The following CEP112 variants were observed in gnomAD, a reference collection of about 807,000 sequenced individuals.
CEP112 encodes the protein centrosomal protein 112.
Under a neutral mutation model 153.0 loss-of-function variants are expected in CEP112, and 127 were observed. The observed-to-expected ratio is 0.83, with a 90% CI of 0.72 to 0.96. CEP112 has a LOEUF of 0.96. Among genes scored for constraint, CEP112 ranks in the 40% least tolerant of loss-of-function variants. The pLI is 0.00. For missense variants in CEP112, 1,089 were observed against 1,101.2 expected (o/e 0.99, Z 0.16); for synonymous variants, 358 against 374.4 (o/e 0.96, Z 0.51).
intron 24 of CEP112, among the ~76,000 whole-genome samples, chr17:65,681,848 G>A (rs1017654205): frequency 6.6e-6 from 1 of 150,582 alleles, no homozygotes; most frequent in African/African-American, 2.4e-5. Context: ...TAATATTTTT[G>A]CAATTTTTTT....
chr17:65,826,270 T>C, intron 21 of CEP112: 1 of 1,614,062 alleles, frequency 6.2e-7, no homozygotes, highest in Non-Finnish European at 8.5e-7. Context: ...CCTTGGCAGA[T>C]GGATGGTCTA....
At chr17:65,990,566 CTGCAGAGAGGGCACCTG>C (rs2063559137) in intron 17 of CEP112, among the ~76,000 whole-genome samples, 1 of 152,238 alleles carries the variant, frequency 6.6e-6, no homozygotes, top group Non-Finnish European at 1.5e-5. Flanking sequence ...TGACATCTGC[CTGCAGAGAGGGCACCTG>C]GACTGGCCCA....
intron 18 of CEP112, among the ~76,000 whole-genome samples, chr17:65,930,892 ACTC>A (rs2144247218): frequency 6.6e-6 from 1 of 151,434 alleles, no homozygotes; most frequent in African/African-American, 2.4e-5. Flanking sequence ...TTCAAAGTTG[ACTC>A]AGGTTTTCCT....
intron 24 of CEP112, among the ~76,000 whole-genome samples, chr17:65,681,656 T>A (rs528468100): frequency 1.3e-5 from 2 of 149,896 alleles, no homozygotes; most frequent in African/African-American, 5.0e-5. Context: ...CTATATTCTG[T>A]GAATTTTTCC....
chr17:65,644,510 G>T, intron 24 of CEP112: 1 of 326,218 alleles, frequency 3.1e-6, no homozygotes, highest in South Asian at 3.6e-5. Context: ...GGTTAATTTG[G>T]ACAAAGCACA....
intron 20 of CEP112, among the ~76,000 whole-genome samples, chr17:65,879,930 A>G (rs1242123218): frequency 6.6e-6 from 1 of 152,044 alleles, no homozygotes; most frequent in African/African-American, 2.4e-5. Context: ...AAGACAATAA[A>G]CAACAACAAA....
At chr17:66,022,658 G>A (rs1446805822) in intron 16 of CEP112, among the ~76,000 whole-genome samples, 8 of 139,648 alleles carry the variant, frequency 5.7e-5, no homozygotes, top group African/African-American at 1.3e-4. Context: ...GCAGTGAGCC[G>A]AGATCGTGCC....
At chr17:65,792,868 T>C (rs941997055) in intron 21 of CEP112, among the ~76,000 whole-genome samples, 1 of 152,172 alleles carries the variant, frequency 6.6e-6, no homozygotes, top group Non-Finnish European at 1.5e-5. Flanking sequence ...ATGGAGGAAA[T>C]TGCCTATACC....
intron 17 of CEP112, among the ~76,000 whole-genome samples, chr17:65,977,342 G>C (rs1487387180): frequency 6.6e-6 from 1 of 152,118 alleles, no homozygotes; most frequent in Admixed American, 6.6e-5. Flanking sequence ...CATTGAGTCA[G>C]TCTCGCAGTT....
chr17:65,660,425 CCTT>C (rs1357901400), intron 24 of CEP112, among the ~76,000 whole-genome samples: 9 of 113,634 alleles, frequency 7.9e-5, no homozygotes, highest in African/African-American at 2.8e-4. Context: ...CACCCTCCCT[CCTT>C]CTTTCTTTCT....
intron 17 of CEP112, among the ~76,000 whole-genome samples, chr17:65,979,624 G>T (rs894597): frequency 0.52 from 78,487 of 151,294 alleles, 21,290 homozygotes; most frequent in African/African-American, 0.6. Context: ...TACCTTAAAT[G>T]TGCCTACCAG....
chr17:66,119,344 T>C (rs546427960), intron 6 of CEP112, among the ~76,000 whole-genome samples: 1 of 152,214 alleles, frequency 6.6e-6, no homozygotes, highest in East Asian at 1.9e-4. Flanking sequence ...ACTTAAAAAA[T>C]AATAAAATAA....
intron 24 of CEP112, chr17:65,688,132 T>G (rs186121209): frequency 6.6e-6 from 1 of 152,284 alleles, no homozygotes; most frequent in African/African-American, 2.4e-5. Context: ...ATAAAATAGG[T>G]CATTAGCTAT....
chr17:65,992,683 C>T (rs115623273), intron 17 of CEP112, among the ~76,000 whole-genome samples: 18 of 152,054 alleles, frequency 1.2e-4, no homozygotes, highest in African/African-American at 3.1e-4. Flanking sequence ...TCAATTTTTT[C>T]TCCATTTTAA....
chr17:65,824,132 C>A (rs1454277121), intron 21 of CEP112, among the ~76,000 whole-genome samples: 5 of 152,150 alleles, frequency 3.3e-5, no homozygotes, highest in African/African-American at 4.8e-5. Context: ...CATATTCACA[C>A]AAAATCTTTA....
chr17:65,714,927 G>GT (rs1280164831), intron 23 of CEP112, among the ~76,000 whole-genome samples: 1 of 152,080 alleles, frequency 6.6e-6, no homozygotes, highest in Non-Finnish European at 1.5e-5. Context: ...TAGGGGAGCT[G>GT]TATGAATAGA....
chr17:65,649,873 T>C (rs2045645962), intron 24 of CEP112, among the ~76,000 whole-genome samples: 1 of 152,220 alleles, frequency 6.6e-6, no homozygotes, highest in Non-Finnish European at 1.5e-5. Flanking sequence ...ACCATCCCAA[T>C]CCAGAATACA....
chr17:65,941,789 T>TG (rs1407324077), intron 18 of CEP112, among the ~76,000 whole-genome samples: 6 of 119,358 alleles, frequency 5.0e-5, no homozygotes, highest in South Asian at 3.7e-4. Context: ...TTTGTTTTGT[T>TG]GTTTTTTTTT....
Position 66,120,103 on chromosome 17 carries a change from C to T in CEP112, c.642+9643G>A, listed in dbSNP as rs8071837. ...ACAAATTGGAAAGTGTTCCCTCTTC[C>T]GGTGGAGATGGTATAGAATTGGTAT... is the stretch of plus-strand genomic sequence containing the variant. On this transcript the variant is annotated intron_variant, in intron 6 of 26. Transcript: ENST00000535342. Among the ~76,000 whole-genome samples, 659 of 152,260 alleles carry T rather than the reference C, an allele frequency of 4.3e-3. 6 individuals carry two copies. The highest frequency in any genetic ancestry group is 0.015 in the African/African-American group (626 of 41,566).
Sources: allele counts gnomAD v4.1 joint callset (sites outside exome capture counted in the v4.1 genomes callset), GRCh38; gene constraint gnomAD v4.1.1; transcripts MANE v1.5; gene names NCBI Gene and HGNC (gene_info 2026-07-23, HGNC 2026-07-21).